The following MSRA variants were observed in gnomAD, a reference collection of about 807,000 sequenced individuals.
MSRA encodes methionine sulfoxide reductase A.
A neutral mutation model predicts 31.3 loss-of-function variants in MSRA; 54 were observed. The observed-to-expected ratio is 1.73, with a 90% confidence interval of 1.39 to 2.17. MSRA has a LOEUF of 2.17. Among genes scored for constraint, MSRA ranks in the 30% most tolerant of loss-of-function variants. MSRA has a pLI of 0.00. For synonymous variants in MSRA, 169 were observed against 116.5 expected, an observed-to-expected ratio of 1.45 and a Z score of -2.90; for missense variants, 507 against 300.9, an observed-to-expected ratio of 1.69 and a Z score of -5.07.
chr8:10,237,072 T>C (rs1438076556), intron 2 of MSRA, among the ~76,000 whole-genome samples: 8 of 152,266 alleles, frequency 5.3e-5, no homozygotes, highest in African/African-American at 1.7e-4. Flanking sequence ...TATGAGTTAT[T>C]CACACTAAAA....
At chr8:10,375,211 G>A (rs1288515655) in intron 5 of MSRA, among the ~76,000 whole-genome samples, 2 of 151,996 alleles carry the variant, frequency 1.3e-5, no homozygotes, top group Non-Finnish European at 2.9e-5. Flanking sequence ...TATCTTTTTT[G>A]CATCTTCCAT....
chr8:10,083,070 A>G lies in MSRA; in HGVS notation c.142+28412A>G, dbSNP rs191633952. 2.3e-4 allele frequency among the ~76,000 whole-genome samples: 35 copies of G among 151,958 alleles called. No individual in the cohort carries two copies. The East Asian group carries it at 6.5e-3, about 28-fold the overall frequency. On this transcript the variant is annotated intron_variant, in intron 1 of 5. Transcript: ENST00000317173. The stretch of plus-strand genomic sequence containing the variant: ...ATCAAGAATTTGGAAGCACGTAACC[A>G]TACTTACATTCTTTGTTGCATACAT...
intron 1 of MSRA, among the ~76,000 whole-genome samples, chr8:10,187,691 T>C (rs1260210842): frequency 1.3e-5 from 2 of 152,228 alleles, no homozygotes; most frequent in East Asian, 3.8e-4. Flanking sequence ...CGGCAGGCAA[T>C]AGTTATTTGC....
intron 3 of MSRA, among the ~76,000 whole-genome samples, chr8:10,246,876 A>G (rs1055107518): frequency 5.3e-5 from 8 of 152,136 alleles, no homozygotes; most frequent in East Asian, 1.9e-4. Flanking sequence ...CTATAAATAG[A>G]CTCAAATGAA....
intron 1 of MSRA, among the ~76,000 whole-genome samples, chr8:10,124,416 G>A (rs1177744466): frequency 1.3e-5 from 2 of 152,184 alleles, no homozygotes; most frequent in Non-Finnish European, 2.9e-5. Flanking sequence ...TTTTCTGTAA[G>A]CACAAAATTT....
At chr8:10,219,208 G>C (rs1810265855) in intron 2 of MSRA, among the ~76,000 whole-genome samples, 1 of 152,178 alleles carries the variant, frequency 6.6e-6, no homozygotes, top group African/African-American at 2.4e-5. Flanking sequence ...AAGATTAACA[G>C]CTGGGCCATT....
intron 1 of MSRA, among the ~76,000 whole-genome samples, chr8:10,083,530 AT>A: frequency 6.6e-6 from 1 of 152,308 alleles, no homozygotes; most frequent in East Asian, 1.9e-4. Context: ...AAGAAATCAC[AT>A]TTTTTCAAGG....
At chr8:10,295,146 G>T (rs535280970) in intron 3 of MSRA, among the ~76,000 whole-genome samples, 2 of 152,216 alleles carry the variant, frequency 1.3e-5, no homozygotes, top group South Asian at 4.2e-4. Context: ...TTTGCCTACT[G>T]TGTTTGGGCA....
chr8:10,346,974 C>A (rs867379742), intron 5 of MSRA, among the ~76,000 whole-genome samples: 4 of 152,336 alleles, frequency 2.6e-5, no homozygotes, highest in South Asian at 2.1e-4. Context: ...ATTCCCCCAA[C>A]TGAAGGTGCT....
chr8:10,358,824 C>G (rs1055131005), intron 5 of MSRA, among the ~76,000 whole-genome samples: 1 of 148,658 alleles, frequency 6.7e-6, no homozygotes, highest in Non-Finnish European at 1.5e-5. Flanking sequence ...GATCTCCTGA[C>G]CTCGTGATCC....
At chr8:10,226,845 T>C (rs1033800864) in intron 2 of MSRA, among the ~76,000 whole-genome samples, 8 of 152,202 alleles carry the variant, frequency 5.3e-5, no homozygotes, top group Non-Finnish European at 1.2e-4. Flanking sequence ...ATCTCAGCCT[T>C]GCTCTCAGGT....
At chr8:10,217,654 C>G (rs537066093) in intron 2 of MSRA, among the ~76,000 whole-genome samples, 3 of 152,300 alleles carry the variant, frequency 2.0e-5, no homozygotes, top group African/African-American at 4.8e-5. Context: ...CTCCCTCCCC[C>G]TCTTCTATCC....
At chr8:10,172,037 A>G (rs1327392785) in intron 1 of MSRA, among the ~76,000 whole-genome samples, 4 of 152,344 alleles carry the variant, frequency 2.6e-5, no homozygotes, top group Middle Eastern at 3.4e-3. Flanking sequence ...ATAACAAGAC[A>G]TAGAAACTAA....
intron 1 of MSRA, among the ~76,000 whole-genome samples, chr8:10,079,801 C>T (rs1033082779): frequency 4.6e-5 from 7 of 152,086 alleles, no homozygotes; most frequent in African/African-American, 1.7e-4. Context: ...CCACTGTGGC[C>T]CCTGAGAGTG....
intron 1 of MSRA, among the ~76,000 whole-genome samples, chr8:10,069,391 G>C (rs181640278): frequency 2.0e-5 from 3 of 152,278 alleles, no homozygotes; most frequent in Non-Finnish European, 4.4e-5. Context: ...ATTAGCTCTG[G>C]ATTTTTAAAA....
chr8:10,304,725 A>G (rs1801033048), intron 4 of MSRA, among the ~76,000 whole-genome samples: 1 of 152,218 alleles, frequency 6.6e-6, no homozygotes. Flanking sequence ...CACGTTTCAC[A>G]GTAAAAGTTG....
At chr8:10,427,854 C>G (rs1461660996) in intron 5 of MSRA, among the ~76,000 whole-genome samples, 1 of 152,212 alleles carries the variant, frequency 6.6e-6, no homozygotes, top group Non-Finnish European at 1.5e-5. Flanking sequence ...AGCGTCCAAA[C>G]CAGGGCCCCC....
intron 1 of MSRA, among the ~76,000 whole-genome samples, chr8:10,068,000 C>T (rs956276738): frequency 2.0e-5 from 3 of 149,168 alleles, no homozygotes. Flanking sequence ...ACTCATGCGT[C>T]AGCTTCCTGG....
chr8:10,188,870 C>G (rs1348358551), intron 1 of MSRA, among the ~76,000 whole-genome samples: 1 of 152,190 alleles, frequency 6.6e-6, no homozygotes, highest in Non-Finnish European at 1.5e-5. Flanking sequence ...TAATTTTTCA[C>G]TTAAACTTTA....
Sources: gnomAD v4.1 joint callset for allele counts (sites outside exome capture counted in the v4.1 genomes callset) on GRCh38, gnomAD v4.1.1 for gene constraint, MANE v1.5 for transcripts, NCBI Gene and HGNC (gene_info 2026-07-23, HGNC 2026-07-21) for gene names.